Variants in SEC14L3 observed in about 807,000 individuals in gnomAD.
SEC14L3 encodes SEC14-like protein 3.
A neutral mutation model predicts 57.4 loss-of-function variants in SEC14L3; 56 were observed. That is an observed-to-expected ratio of 0.97 (90% CI 0.79 to 1.22). SEC14L3 has a LOEUF of 1.22. SEC14L3 is among the 50% of genes most tolerant of loss of function. The pLI is 0.00. For missense variants in SEC14L3, 485 were observed against 511.7 expected (o/e 0.95, Z 0.50); for synonymous variants, 173 against 194.4 (o/e 0.89, Z 0.92).
downstream of SEC14L3, among the ~76,000 whole-genome samples, chr22:30,455,243 T>C (rs1215833708): frequency 7.7e-6 from 1 of 129,116 alleles, no homozygotes; most frequent in Admixed American, 1.0e-4. Flanking sequence ...ATATTTAATA[T>C]ATTATATATA....
At chr22:30,452,321 T>C (rs1207457883) in intron 12 of SEC14L3, among the ~76,000 whole-genome samples, 1 of 147,164 alleles carries the variant, frequency 6.8e-6, no homozygotes, top group Non-Finnish European at 1.5e-5. Context: ...CAAACTCGGC[T>C]CACTGCAACC....
chr22:30,468,855 T>A, intron 4 of SEC14L3, 159 bp from the exon 5 acceptor site: 2 of 1,554,080 alleles, frequency 1.3e-6, no homozygotes, highest in Non-Finnish European at 1.7e-6. Context: ...AAAGCTGAGG[T>A]CCTGCAGGGG....
In SEC14L3 at chr22:30,470,394, G is replaced by A. The variant is rs938458850; in HGVS notation, c.130+113C>T. The A allele has an allele frequency of 5.8e-5, 93 of 1,598,956 alleles. No homozygotes were observed. The East Asian group carries it at 1.2e-3, about 20-fold the overall frequency. On this transcript the variant is annotated intron_variant, in intron 2 of 11. Transcript: ENST00000215812. ...CCTTCCCTCCTCTGGACCTGAACAT[G>A]TGAAGCAAGATTGTGTGGATGGACC...
In SEC14L3 at chr22:30,470,037, A is replaced by C. The variant is rs777477216; in HGVS notation, c.216T>G (p.Leu72=). Residue 72 remains leucine, a synonymous_variant, in exon 4 of 12, where the codon CTT becomes CTG. Transcript: ENST00000215812. The part of the protein sequence containing the change: ...FRKTMDIDHI[L]DWQPPEVIQK... ...GGCTCACCTCTGGGGGCTGCCAATC[A>C]AGGATATGGTCAATATCCATGGTCT... is the stretch of plus-strand genomic sequence containing the variant. 8 of 1,577,704 alleles carry C rather than the reference A, an allele frequency of 5.1e-6. No homozygotes were observed. Among genetic ancestry groups the C allele is most frequent in the Non-Finnish European group, 6.9e-6 (8 of 1,161,078 alleles).
At chr22:30,453,242 G>T (rs1487454370) in intron 12 of SEC14L3, among the ~76,000 whole-genome samples, 3 of 152,050 alleles carry the variant, frequency 2.0e-5, no homozygotes, top group African/African-American at 7.2e-5. Context: ...ATTCTATAAC[G>T]TGCTTCTACA....
downstream of SEC14L3, chr22:30,459,091 T>C (rs555911068): frequency 1.5e-4 from 27 of 184,358 alleles, no homozygotes; most frequent in South Asian, 9.1e-4. Flanking sequence ...AGCTGTAAGA[T>C]GTTGAGTGAG....
chr22:30,466,325 G>C lies in SEC14L3; in HGVS notation c.580+9C>G. On this transcript the variant is annotated intron_variant, in intron 7 of 11. Transcript: ENST00000215812. ...GAGGCACAAGTAAGTGAAGTCATTTGTCACATACCTTTCACGATGAGCATG... is the reference window on the plus strand; with the variant it reads ...GAGGCACAAGTAAGTGAAGTCATTTCTCACATACCTTTCACGATGAGCATG... 6.2e-7 allele frequency: 1 copy of C among 1,612,382 alleles called. No homozygotes were observed. Among genetic ancestry groups the C allele is most frequent in the Non-Finnish European group, 8.5e-7 (1 of 1,178,486 alleles).
chr22:30,467,138 A>G (rs986890805), intron 5 of SEC14L3, 61 bp from the exon 6 acceptor site: 3 of 1,606,780 alleles, frequency 1.9e-6, no homozygotes, highest in Non-Finnish European at 2.5e-6. Flanking sequence ...GGAGATGGTA[A>G]TCCAAGTACA....
At chr22:30,454,894 A>ATTAT (rs1402855395), downstream of SEC14L3, among the ~76,000 whole-genome samples, 1 of 19,750 alleles carries the variant, frequency 5.1e-5, no homozygotes, top group African/African-American at 2.7e-4. Flanking sequence ...TATATTATAT[A>ATTAT]ATAGATATAT....
intron 4 of SEC14L3, among the ~76,000 whole-genome samples, chr22:30,469,587 T>C (rs556216135): frequency 6.6e-6 from 1 of 152,318 alleles, no homozygotes; most frequent in East Asian, 1.9e-4. Context: ...GCTAAACTTC[T>C]TTCCCACCCA....
In SEC14L3 at chr22:30,468,790, A is replaced by G. The variant is rs1245999624; in HGVS notation, c.235-94T>C. On this transcript the variant is annotated intron_variant, in intron 4 of 11. Coordinates refer to ENST00000215812, the MANE Select transcript of SEC14L3 (RefSeq NM_174975.5). ...TGGGTGGCCCAAGCCTACACACACCATGGTATAAAAAGCACTGTCCCTCCC... is the reference window on the plus strand; with the variant it reads ...TGGGTGGCCCAAGCCTACACACACCGTGGTATAAAAAGCACTGTCCCTCCC... The G allele has an allele frequency of 3.7e-6, 6 of 1,609,266 alleles. No homozygotes were observed. The East Asian group carries it at 6.7e-5, about 18-fold the overall frequency.
downstream of SEC14L3, among the ~76,000 whole-genome samples, chr22:30,458,409 C>A (rs1362954127): frequency 1.3e-5 from 2 of 152,164 alleles, no homozygotes; most frequent in Non-Finnish European, 2.9e-5. Flanking sequence ...TTGTGGGTCT[C>A]TATGGCCTAT....
intron 5 of SEC14L3, among the ~76,000 whole-genome samples, chr22:30,468,073 G>A (rs997518201): frequency 4.6e-5 from 7 of 152,164 alleles, no homozygotes; most frequent in Admixed American, 3.3e-4. Flanking sequence ...AAGGTCAGGA[G>A]ATCGAGACCA....
intron 8 of SEC14L3, among the ~76,000 whole-genome samples, chr22:30,463,084 T>C (rs1481863208): frequency 6.6e-6 from 1 of 152,016 alleles, no homozygotes; most frequent in African/African-American, 2.4e-5. Flanking sequence ...AAACTAAGAG[T>C]TATCTAATTG....
chr22:30,466,338 C>G lies in SEC14L3; in HGVS notation c.576G>C (p.Val192=). The G allele has an allele frequency of 6.2e-7, 1 of 1,613,972 alleles. No homozygotes were observed. Among genetic ancestry groups the G allele is most frequent in the Non-Finnish European group, 8.5e-7 (1 of 1,179,866 alleles). The change falls in exon 7 of 12, where the codon GTG becomes GTC. Residue 192 remains valine (V), a synonymous_variant. Transcript: ENST00000215812. Reference sequence around the variant, plus strand: ...GTGAAGTCATTTGTCACATACCTTTCACGATGAGCATGAACTTCAGGGTCT... The same window carrying G: ...GTGAAGTCATTTGTCACATACCTTTGACGATGAGCATGAACTTCAGGGTCT... ...YPETLKFMLI[V]KATKLFPVGY...
chr22:30,471,908 G>C lies in SEC14L3; in HGVS notation c.51C>G (p.Ala17=). Residue 17 remains alanine, a synonymous_variant, in exon 1 of 12, where the codon GCC becomes GCG. Coordinates refer to ENST00000215812, the MANE Select transcript of SEC14L3 (RefSeq NM_174975.5). ...CTCCAGGGGGAGGGGCTCTCACCTT[G>C]GCCAGGGTCTCTGCCTGTTTGGGGC... ...DLSPKQAETL[A]KFRENVQDVL... is the part of the protein sequence containing the mutation. 6.2e-7 allele frequency: 1 copy of C among 1,613,056 alleles called. No individual in the cohort carries two copies. Among genetic ancestry groups the C allele is most frequent in the Non-Finnish European group, 8.5e-7 (1 of 1,179,536 alleles).
At chr22:30,451,259 A>G (rs1264101512) in intron 12 of SEC14L3, among the ~76,000 whole-genome samples, 1 of 152,122 alleles carries the variant, frequency 6.6e-6, no homozygotes, top group Non-Finnish European at 1.5e-5. Flanking sequence ...ATGCGTGGAC[A>G]AGATGAGGAG....
intron 6 of SEC14L3, 35 bp from the exon 7 acceptor site, chr22:30,466,429 A>C: frequency 6.2e-7 from 1 of 1,613,946 alleles, no homozygotes; most frequent in Non-Finnish European, 8.5e-7. Context: ...CAGAGAGCAC[A>C]TCACATCTTC....
chr22:30,457,578 TCAC>T (rs1306960357), downstream of SEC14L3, among the ~76,000 whole-genome samples: 1 of 152,008 alleles, frequency 6.6e-6, no homozygotes, highest in Non-Finnish European at 1.5e-5. Flanking sequence ...AGACGGGGTT[TCAC>T]CACATTGGCC....
Sources: gnomAD v4.1 joint callset for allele counts (sites outside exome capture counted in the v4.1 genomes callset) on GRCh38, gnomAD v4.1.1 for gene constraint, MANE v1.5 for transcripts, NCBI Gene and HGNC (gene_info 2026-07-23, HGNC 2026-07-21) for gene names.